The following EBF1 variants were observed in gnomAD, a reference collection of about 807,000 sequenced individuals.
EBF1 encodes EBF transcription factor 1.
EBF1 carries 10 observed loss-of-function variants against 68.4 expected under a neutral mutation model. The ratio of observed to expected loss-of-function variants is 0.15; its 90% CI spans 0.09 to 0.25. EBF1 has a LOEUF of 0.25. Among genes scored for constraint, EBF1 ranks in the 10% least tolerant of loss-of-function variants. EBF1 has a pLI of 1.00. For synonymous variants in EBF1, 298 were observed against 299.8 expected (o/e 0.99, Z 0.06); for missense variants, 509 against 794.4 (o/e 0.64, Z 4.32).
chr5:158,749,893 A>G (rs181492849), intron 10 of EBF1, among the ~76,000 whole-genome samples: 1 of 152,236 alleles, frequency 6.6e-6, no homozygotes. Flanking sequence ...AAGTAGAGGT[A>G]CAGGTCCCAC....
intron 6 of EBF1, among the ~76,000 whole-genome samples, chr5:158,907,657 G>A (rs902709916): frequency 2.6e-5 from 4 of 152,054 alleles, no homozygotes; most frequent in African/African-American, 9.7e-5. Context: ...TATTTTAAAT[G>A]AATAAGAACA....
chr5:158,872,273 T>G (rs1562179290), intron 6 of EBF1, among the ~76,000 whole-genome samples: 1 of 151,994 alleles, frequency 6.6e-6, no homozygotes, highest in Non-Finnish European at 1.5e-5. Context: ...CTCAGCTCAC[T>G]GCAACCTCTG....
rs139717373 is a variant in EBF1 at position 158,718,498 on chromosome 5, G to T, written c.1126-4316C>A. 2.1e-3 allele frequency among the ~76,000 whole-genome samples: 326 copies of T among 152,264 alleles called. 1 individual carries two copies. The highest frequency in any genetic ancestry group is 7.6e-3 in the African/African-American group (315 of 41,528). On this transcript the variant is annotated intron_variant, in intron 11 of 15. Coordinates refer to ENST00000313708, the MANE Select transcript of EBF1 (RefSeq NM_024007.5). The stretch of plus-strand genomic sequence containing the variant: ...CTGAAGCCTCGTACTGAAGGGGATC[G>T]TGATGGTATGGTAATGAAGGAGATC...
intron 7 of EBF1, among the ~76,000 whole-genome samples, chr5:158,827,569 G>A (rs990291850): frequency 5.3e-5 from 8 of 152,054 alleles, no homozygotes; most frequent in Admixed American, 1.3e-4. Context: ...TTTTGTTATT[G>A]GTGAGTACTT....
chr5:158,858,138 G>A (rs757259811), intron 6 of EBF1, among the ~76,000 whole-genome samples: 1 of 152,142 alleles, frequency 6.6e-6, no homozygotes, highest in South Asian at 2.1e-4. Context: ...TCATGCTTTT[G>A]CTGGAGATCC....
intron 15 of EBF1, among the ~76,000 whole-genome samples, chr5:158,701,894 C>A (rs1756851376): frequency 6.6e-6 from 1 of 152,172 alleles, no homozygotes; most frequent in South Asian, 2.1e-4. Flanking sequence ...TGGAACCTCT[C>A]TTCAAAAGAG....
intron 6 of EBF1, among the ~76,000 whole-genome samples, chr5:159,006,647 T>TAAAAAAAAAAAAAAAAAAAAAAAA (rs36045942): frequency 3.6e-5 from 2 of 56,208 alleles, no homozygotes; most frequent in African/African-American, 8.8e-5. Flanking sequence ...ATAGCCATGT[T>TAAAAAAAAAAAAAAAAAAAAAAAA]AAAAAAAAAA....
intron 6 of EBF1, among the ~76,000 whole-genome samples, chr5:158,896,586 C>A (rs1356281606): frequency 6.6e-6 from 1 of 152,164 alleles, no homozygotes; most frequent in Non-Finnish European, 1.5e-5. Flanking sequence ...AGCTAAGTGG[C>A]AAAGGCTGGG....
chr5:158,808,653 G>A (rs1454101171), intron 8 of EBF1, among the ~76,000 whole-genome samples: 1 of 152,128 alleles, frequency 6.6e-6, no homozygotes, highest in Admixed American at 6.6e-5. Flanking sequence ...TTGTTGTAAG[G>A]TTTGAATGAG....
intron 8 of EBF1, among the ~76,000 whole-genome samples, chr5:158,812,291 A>G (rs1178359849): frequency 6.6e-6 from 1 of 152,206 alleles, no homozygotes; most frequent in Admixed American, 6.5e-5. Context: ...TGAAAAGTTA[A>G]GAATTCTTCC....
At chr5:158,960,045 T>C (rs932451428) in intron 6 of EBF1, among the ~76,000 whole-genome samples, 6 of 152,184 alleles carry the variant, frequency 3.9e-5, no homozygotes, top group African/African-American at 1.4e-4. Flanking sequence ...CTCACTCCTT[T>C]AAATGCACCA....
Position 158,698,960 on chromosome 5 carries a change from G to T in EBF1, c.*151C>A. On this transcript the variant is annotated 3_prime_UTR_variant, in exon 16 of 16. Coordinates refer to ENST00000313708, the MANE Select transcript of EBF1 (RefSeq NM_024007.5). ...CTCTTCCAATTTCAGTATTTGCAAG[G>T]TCGGTGATTTTGTTTGTTTAAAAAT... 1.6e-6 allele frequency: 1 copy of T among 610,200 alleles called. No homozygotes were observed. Among genetic ancestry groups the T allele is most frequent in the Non-Finnish European group, 2.6e-6 (1 of 379,850 alleles). The allele number at this position is 610,200 out of a possible 1,614,324, so 37.8% of individuals were successfully genotyped here.
intron 10 of EBF1, among the ~76,000 whole-genome samples, chr5:158,747,154 A>AC: frequency 6.6e-6 from 1 of 152,202 alleles, no homozygotes. Context: ...GACCAGTGTA[A>AC]GATCAACAGC....
chr5:158,755,286 C>A (rs189429267), intron 10 of EBF1, among the ~76,000 whole-genome samples: 2 of 151,932 alleles, frequency 1.3e-5, no homozygotes, highest in Non-Finnish European at 2.9e-5. Context: ...CTACCCTGAG[C>A]CCCCTGGCCA....
intron 6 of EBF1, among the ~76,000 whole-genome samples, chr5:158,908,793 C>T (rs1364820798): frequency 1.3e-5 from 2 of 152,206 alleles, no homozygotes; most frequent in Non-Finnish European, 2.9e-5. Flanking sequence ...TGATTGGCAG[C>T]CAACTCATAC....
intron 9 of EBF1, among the ~76,000 whole-genome samples, chr5:158,789,526 G>GA (rs1415795802): frequency 1.3e-5 from 2 of 152,126 alleles, no homozygotes; most frequent in African/African-American, 4.8e-5. Context: ...AAAAGCCCAT[G>GA]GAAATTTCAT....
At chr5:158,974,217 G>C (rs1212295786) in intron 6 of EBF1, among the ~76,000 whole-genome samples, 1 of 152,192 alleles carries the variant, frequency 6.6e-6, no homozygotes, top group East Asian at 1.9e-4. Context: ...GGCAACCTGT[G>C]GTTCAGAGAA....
chr5:159,067,084 T>C (rs530639817), intron 6 of EBF1, among the ~76,000 whole-genome samples: 2 of 152,138 alleles, frequency 1.3e-5, no homozygotes, highest in East Asian at 3.9e-4. Context: ...GTTAACCGGG[T>C]GCTGGCAGGA....
chr5:158,867,403 A>G (rs987952979), intron 6 of EBF1, among the ~76,000 whole-genome samples: 2 of 152,128 alleles, frequency 1.3e-5, no homozygotes, highest in Admixed American at 6.6e-5. Flanking sequence ...TTACCTCCGT[A>G]TTTTCATCTA....
Sources: gnomAD v4.1 joint callset for allele counts (sites outside exome capture counted in the v4.1 genomes callset) on GRCh38, gnomAD v4.1.1 for gene constraint, MANE v1.5 for transcripts, NCBI Gene and HGNC (gene_info 2026-07-23, HGNC 2026-07-21) for gene names.